The following TRAPPC13 variants were observed in gnomAD, a reference collection of about 807,000 sequenced individuals.
TRAPPC13 encodes trafficking protein particle complex subunit 13, also known as REV7-interacting novel NHEJ regulator 1.
TRAPPC13 carries 39 observed loss-of-function variants against 54.0 expected under a neutral mutation model. The ratio of observed to expected loss-of-function variants is 0.72; its 90% confidence interval spans 0.56 to 0.94. The LOEUF (loss-of-function observed/expected upper bound fraction) is 0.94. Ranked by LOEUF, TRAPPC13 falls within the 40% of genes least tolerant of loss-of-function variation. The pLI, the probability that TRAPPC13 is intolerant of heterozygous loss-of-function variation, is 0.00. For missense variants in TRAPPC13, 386 were observed against 488.1 expected, an observed-to-expected ratio of 0.79 and a Z score of 1.97; for synonymous variants, 148 against 167.7, an observed-to-expected ratio of 0.88 and a Z score of 0.91.
rs138665684 is a variant in TRAPPC13 at position 65,638,953 on chromosome 5, G to A, written c.300+1173G>A. Among the ~76,000 whole-genome samples, 92 of 152,212 alleles carry A rather than the reference G, an allele frequency of 6.0e-4. No homozygotes were observed. In the East Asian group the frequency reaches 0.014, roughly 23 times the overall value. ...ACAGAAATTAGCCAGGAGTGGTGGCGTGTGCTTGTAATCCCAGCTACCTGG... is the reference window on the plus strand; with the variant it reads ...ACAGAAATTAGCCAGGAGTGGTGGCATGTGCTTGTAATCCCAGCTACCTGG... On this transcript the variant is annotated intron_variant, in intron 4 of 12. Coordinates refer to ENST00000399438, the MANE Select transcript of TRAPPC13 (RefSeq NM_024941.4).
At chr5:65,625,290 C>T (rs1017850231) in intron 1 of TRAPPC13, 184 bp downstream of exon 1, 3 of 602,002 alleles carry the variant, frequency 5.0e-6, no homozygotes, top group South Asian at 2.0e-5. Context: ...GGGCCCCTTT[C>T]TAGAACGAAA....
chr5:65,644,259 CT>C (rs777503839), intron 4 of TRAPPC13, among the ~76,000 whole-genome samples: 5 of 152,050 alleles, frequency 3.3e-5, no homozygotes, highest in Non-Finnish European at 5.9e-5. Context: ...GGTCTGCAAC[CT>C]CCACCTCCTG....
At chr5:65,659,041 A>C (rs1485892378) in intron 9 of TRAPPC13, among the ~76,000 whole-genome samples, 2 of 152,164 alleles carry the variant, frequency 1.3e-5, no homozygotes, top group East Asian at 3.9e-4. Flanking sequence ...TTAATGTGGT[A>C]CATTTACTAC....
chr5:65,630,592 A>G, intron 1 of TRAPPC13: 4 of 1,134,752 alleles, frequency 3.5e-6, no homozygotes, highest in Non-Finnish European at 3.2e-6. Context: ...TGAATTAGTC[A>G]TGAATTAAGT....
chr5:65,629,291 A>G (rs1755413517), intron 1 of TRAPPC13, among the ~76,000 whole-genome samples: 1 of 152,172 alleles, frequency 6.6e-6, no homozygotes, highest in Non-Finnish European at 1.5e-5. Context: ...CAGATCCCTT[A>G]TTTTGGTAAG....
chr5:65,659,967 CAAAAAAA>C (rs141876171), intron 9 of TRAPPC13, among the ~76,000 whole-genome samples: 2,557 of 95,334 alleles, frequency 0.027, 31 homozygotes, highest in African/African-American at 0.078. Context: ...GTATTTTAAA[CAAAAAAA>C]AAAAAAAAAA....
In TRAPPC13 at chr5:65,650,797, C is replaced by T; in HGVS notation, c.429-13C>T. ...AAATGACTCAGAATCGTTAAGACATCTTTCTGTTTCAGCTTGGTATGTGCT... is the reference window on the plus strand; with the variant it reads ...AAATGACTCAGAATCGTTAAGACATTTTTCTGTTTCAGCTTGGTATGTGCT... On this transcript the variant is annotated splice_polypyrimidine_tract_variant and intron_variant, in intron 5 of 12. Transcript: ENST00000399438. 1 of 1,608,766 alleles carries T rather than the reference C, an allele frequency of 6.2e-7. No homozygotes were observed. Among genetic ancestry groups the T allele is most frequent in the Non-Finnish European group, 8.5e-7 (1 of 1,176,850 alleles).
chr5:65,653,058 C>G (rs916798637), intron 7 of TRAPPC13, among the ~76,000 whole-genome samples: 1 of 123,290 alleles, frequency 8.1e-6, no homozygotes, highest in Admixed American at 9.1e-5. Flanking sequence ...ACAAATTTGG[C>G]AAAAAGAGAA....
intron 7 of TRAPPC13, among the ~76,000 whole-genome samples, chr5:65,653,135 A>C (rs191742727): frequency 0.028 from 913 of 32,452 alleles, 16 homozygotes; most frequent in African/African-American, 0.087. Flanking sequence ...GAACTTGCCC[A>C]AAAAAAAAAA....
At chr5:65,634,168 G>A (rs1255139617) in intron 1 of TRAPPC13, among the ~76,000 whole-genome samples, 2 of 148,342 alleles carry the variant, frequency 1.3e-5, no homozygotes, top group Admixed American at 6.7e-5. Context: ...TGTATTTTTA[G>A]TAGAGACGGG....
chr5:65,662,656 T>C (rs1756886446), intron 11 of TRAPPC13: 1 of 152,164 alleles, frequency 6.6e-6, no homozygotes, highest in South Asian at 2.1e-4. Context: ...CAGAAAAAAA[T>C]AGAATTAAGT....
In TRAPPC13 at chr5:65,642,483, C is replaced by T. The variant is rs1056119935; in HGVS notation, c.301-4572C>T. Among the ~76,000 whole-genome samples, 5 of 152,054 alleles carry T rather than the reference C, an allele frequency of 3.3e-5. No individual in the cohort carries two copies. In the South Asian group the frequency reaches 6.2e-4, roughly 19 times the overall value. On this transcript the variant is annotated intron_variant, in intron 4 of 12. Coordinates refer to ENST00000399438, the MANE Select transcript of TRAPPC13 (RefSeq NM_024941.4). ...CTTATATCCCATATGTTTCTATTCT[C>T]TTTAAGTTGTGCTTCTATTTCTTTT...
intron 2 of TRAPPC13, 76 bp from the exon 3 acceptor site, chr5:65,635,868 C>T: frequency 1.2e-6 from 1 of 868,302 alleles, no homozygotes; most frequent in Non-Finnish European, 1.7e-6. Context: ...AAATATCTCT[C>T]CCAGCTATTT....
At chr5:65,659,981 A>T (rs898850162) in intron 9 of TRAPPC13, among the ~76,000 whole-genome samples, 3 of 151,020 alleles carry the variant, frequency 2.0e-5, no homozygotes, top group East Asian at 3.9e-4. Flanking sequence ...AAAAAAAAAA[A>T]AAAAAAAAAG....
intron 2 of TRAPPC13, 104 bp downstream of exon 2, chr5:65,635,473 A>G (rs1292592820): frequency 1.1e-6 from 1 of 872,882 alleles, no homozygotes; most frequent in Non-Finnish European, 1.8e-6. Context: ...TATGCTAACC[A>G]TTTGCTGGAT....
At chr5:65,628,843 A>T (rs1268906588) in intron 1 of TRAPPC13, among the ~76,000 whole-genome samples, 1 of 150,802 alleles carries the variant, frequency 6.6e-6, no homozygotes, top group Non-Finnish European at 1.5e-5. Flanking sequence ...TTTTTTAATG[A>T]GATGAAGTCT....
rs367936674 is a variant in TRAPPC13, at chr5:65,625,162, T to C, written c.46+56T>C. The stretch of plus-strand genomic sequence containing the variant: ...TCTGTTTCCTTGCATTCCCTACTTA[T>C]CGAAGCCTTTGCCATGTAGGCCTCA... On this transcript the variant is annotated intron_variant, in intron 1 of 12. Transcript: ENST00000399438. 8.2e-5 allele frequency: 119 copies of C among 1,453,404 alleles called. No homozygotes were observed. In the African/African-American group the frequency reaches 1.0e-3, roughly 12 times the overall value. The allele number at this position is 1,453,404 out of a possible 1,614,324, so 90.0% of individuals were successfully genotyped here.
At chr5:65,663,861 T>C (rs186574962) in intron 11 of TRAPPC13, 9 of 164,608 alleles carry the variant, frequency 5.5e-5, no homozygotes, top group Non-Finnish European at 9.1e-5. Context: ...GTTTTCTTCT[T>C]TTCCTGTAGA....
At chr5:65,634,054 C>T (rs1755652412) in intron 1 of TRAPPC13, among the ~76,000 whole-genome samples, 1 of 139,158 alleles carries the variant, frequency 7.2e-6, no homozygotes. Flanking sequence ...GCCGCAATCT[C>T]GGCTCACTGC....
Sources: gnomAD v4.1 joint callset for allele counts (sites outside exome capture counted in the v4.1 genomes callset) on GRCh38, gnomAD v4.1.1 for gene constraint, MANE v1.5 for transcripts, NCBI Gene and HGNC (gene_info 2026-07-23, HGNC 2026-07-21) for gene names.